The following TXNDC16 variants were observed in gnomAD, a reference collection of about 807,000 sequenced individuals.
TXNDC16 encodes the protein thioredoxin domain containing 16, also known as thioredoxin domain-containing protein 16.
Under a neutral mutation model 85.6 loss-of-function variants are expected in TXNDC16, and 74 were observed. The ratio of observed to expected loss-of-function variants is 0.86; its 90% CI spans 0.72 to 1.05. The LOEUF is 1.05. TXNDC16 is among the 50% of genes least tolerant of loss of function. The pLI is 0.00. For missense variants in TXNDC16, 959 were observed against 947.0 expected, an observed-to-expected ratio of 1.01 and a Z score of -0.17; for synonymous variants, 335 against 326.5, an observed-to-expected ratio of 1.03 and a Z score of -0.28.
At chr14:52,485,545 C>T (rs1002651363) in intron 12 of TXNDC16, among the ~76,000 whole-genome samples, 4 of 152,158 alleles carry the variant, frequency 2.6e-5, no homozygotes, top group East Asian at 1.9e-4. Flanking sequence ...GAGCAACTTC[C>T]GGTCCTGCAA....
At chr14:52,485,571 T>G (rs1406797105) in intron 12 of TXNDC16, among the ~76,000 whole-genome samples, 2 of 152,224 alleles carry the variant, frequency 1.3e-5, no homozygotes, top group Non-Finnish European at 2.9e-5. Flanking sequence ...ATACATGGTA[T>G]GTACCCTATA....
In TXNDC16 at chr14:52,439,216, C is replaced by A; in HGVS notation, c.2182G>T (p.Glu728Ter). Reference sequence around the variant, plus strand: ...ACAGAAAACTTACTGATATGATTTTCTAGTCCTGCTTCTAATTTCTTCAGC... The same window carrying A: ...ACAGAAAACTTACTGATATGATTTTATAGTCCTGCTTCTAATTTCTTCAGC... ...LWLKKLEAGL[E>*]NHITILPAQE... Residue 728 changes from glutamate (E) to a stop codon, truncating the protein, a stop_gained, in exon 20 of 21, where the codon GAA becomes TAA. Transcript: ENST00000281741. LOFTEE classifies it low-confidence loss of function (END_TRUNC). 6.2e-7 allele frequency: 1 copy of A among 1,613,804 alleles called. No individual in the cohort carries two copies. The highest frequency in any genetic ancestry group is 8.5e-7 in the Non-Finnish European group (1 of 1,179,872).
chr14:52,551,660 GA>G (rs112926997), intron 1 of TXNDC16, among the ~76,000 whole-genome samples: 15 of 148,262 alleles, frequency 1.0e-4, no homozygotes, highest in Admixed American at 4.7e-4. Context: ...TTCCAAATAG[GA>G]AAAAAAAAAG....
At chr14:52,455,285 T>G (rs1203756584) in intron 18 of TXNDC16, 39 bp downstream of exon 18, 1 of 1,609,250 alleles carries the variant, frequency 6.2e-7, no homozygotes, top group Non-Finnish European at 8.5e-7. Context: ...TGATCTAGAT[T>G]TTATTTCAAG....
intron 9 of TXNDC16, among the ~76,000 whole-genome samples, chr14:52,502,590 G>A (rs1051327120): frequency 6.6e-6 from 1 of 152,170 alleles, no homozygotes; most frequent in Non-Finnish European, 1.5e-5. Context: ...ATACTACAGG[G>A]GGGTGGAGCC....
intron 1 of TXNDC16, among the ~76,000 whole-genome samples, 171 bp downstream of exon 1, chr14:52,552,144 CA>C: frequency 6.6e-6 from 1 of 152,316 alleles, no homozygotes; most frequent in East Asian, 1.9e-4. Flanking sequence ...AAAGAGAAAG[CA>C]AAATGCCCTC....
In TXNDC16 at chr14:52,485,691, T is replaced by TATAGGTA. The variant is rs1566553674; in HGVS notation, c.1108+2671_1108+2672insTACCTAT. The stretch of plus-strand genomic sequence containing the variant: ...ATTGTGTTATAGGTACCTACAGTAT[T>TATAGGTA]CAGTACAGTAACATGCTGTATAGGT... On this transcript the variant is annotated intron_variant, in intron 12 of 20. Transcript: ENST00000281741. 2.0e-4 allele frequency among the ~76,000 whole-genome samples: 30 copies of TATAGGTA among 152,314 alleles called. No homozygotes were observed. The South Asian group carries it at 5.8e-3, about 29-fold the overall frequency.
intron 9 of TXNDC16, among the ~76,000 whole-genome samples, chr14:52,500,114 T>C (rs1479532852): frequency 6.6e-6 from 1 of 152,112 alleles, no homozygotes; most frequent in African/African-American, 2.4e-5. Flanking sequence ...CACTTCTGGG[T>C]ATATTTTCAA....
intron 9 of TXNDC16, among the ~76,000 whole-genome samples, chr14:52,502,166 G>A (rs1430975745): frequency 6.6e-6 from 1 of 152,156 alleles, no homozygotes; most frequent in Non-Finnish European, 1.5e-5. Flanking sequence ...TTGGTTTTAT[G>A]CTACTGGTCA....
At chr14:52,504,416 C>T (rs976930555) in intron 9 of TXNDC16, among the ~76,000 whole-genome samples, 4 of 152,148 alleles carry the variant, frequency 2.6e-5, no homozygotes, top group Non-Finnish European at 4.4e-5. Flanking sequence ...GGCCAATATT[C>T]AACATTCTTA....
chr14:52,522,842 T>C (rs1421976176), intron 6 of TXNDC16, among the ~76,000 whole-genome samples: 2 of 152,204 alleles, frequency 1.3e-5, no homozygotes, highest in African/African-American at 4.8e-5. Context: ...AGCAATGCAC[T>C]CTGTCTTGTT....
chr14:52,548,830 C>T (rs928793412), intron 1 of TXNDC16, among the ~76,000 whole-genome samples: 4 of 151,652 alleles, frequency 2.6e-5, no homozygotes, highest in Non-Finnish European at 5.9e-5. Flanking sequence ...TGCAGTGAGC[C>T]GAGATCACAC....
chr14:52,512,696 G>T (rs2036984938), intron 8 of TXNDC16, among the ~76,000 whole-genome samples: 1 of 152,148 alleles, frequency 6.6e-6, no homozygotes, highest in African/African-American at 2.4e-5. Context: ...GTTTATAAGA[G>T]AATCTCACAG....
At position 52,464,669 on chromosome 14, in the gene TXNDC16, C is replaced by T. The variant is rs553955857; in HGVS notation, c.1618+5368G>A. Reference sequence around the variant, plus strand: ...CTATAAGGCCAGGTGCGGTGGCTCACGCCTATAATCTCAGCACTTTGGGAG... The same window carrying T: ...CTATAAGGCCAGGTGCGGTGGCTCATGCCTATAATCTCAGCACTTTGGGAG... On this transcript the variant is annotated intron_variant, in intron 16 of 20. Transcript: ENST00000281741. Among the ~76,000 whole-genome samples the T allele has an allele frequency of 2.6e-5, 4 of 152,206 alleles. No individual in the cohort carries two copies. The South Asian group carries it at 6.2e-4, about 24-fold the overall frequency.
At chr14:52,535,479 A>C (rs60255276) in intron 6 of TXNDC16, among the ~76,000 whole-genome samples, 2,331 of 152,212 alleles carry the variant, frequency 0.015, 47 homozygotes, top group African/African-American at 0.053. Flanking sequence ...GAGTTAAACT[A>C]CCAATTTTTG....
At chr14:52,471,761 A>G (rs976516110) in intron 14 of TXNDC16, among the ~76,000 whole-genome samples, 7 of 151,910 alleles carry the variant, frequency 4.6e-5, no homozygotes, top group African/African-American at 1.7e-4. Context: ...TCTAAACATT[A>G]TAATTTCTTT....
In TXNDC16 at chr14:52,543,465, C is replaced by T; in HGVS notation, c.93G>A (p.Leu31=). The T allele has an allele frequency of 6.2e-7, 1 of 1,613,552 alleles. No homozygotes were observed. Among genetic ancestry groups the T allele is most frequent in the Non-Finnish European group, 8.5e-7 (1 of 1,179,694 alleles). The change falls in exon 3 of 21, where the codon CTG becomes CTA. Residue 31 remains leucine (L), a synonymous_variant. Coordinates refer to ENST00000281741, the MANE Select transcript of TXNDC16 (RefSeq NM_020784.3). ...ATGTACTAAAATATTTCTGAGGACTCAGTTCTGGTAAAGAGTTTACTGTTG... is the reference window on the plus strand; with the variant it reads ...ATGTACTAAAATATTTCTGAGGACTTAGTTCTGGTAAAGAGTTTACTGTTG... ...YMPTVNSLPE[L]SPQKYFSTLQ...
At chr14:52,475,216 G>A (rs1277637482) in intron 14 of TXNDC16, among the ~76,000 whole-genome samples, 15 of 152,124 alleles carry the variant, frequency 9.9e-5, no homozygotes, top group Admixed American at 9.8e-4. Context: ...CCTCACAAGG[G>A]GTCCTTGAGG....
chr14:52,462,916 T>A, intron 16 of TXNDC16: 1 of 455,822 alleles, frequency 2.2e-6, no homozygotes, highest in Non-Finnish European at 4.4e-6. Flanking sequence ...TTATGTTGAA[T>A]CTTGGCTTTG....
Sources: gnomAD v4.1 joint callset for allele counts (sites outside exome capture counted in the v4.1 genomes callset) on GRCh38, gnomAD v4.1.1 for gene constraint, MANE v1.5 for transcripts, NCBI Gene and HGNC (gene_info 2026-07-23, HGNC 2026-07-21) for gene names.